USP29: variants seen among roughly 807,000 people sequenced by gnomAD.
USP29 encodes the protein ubiquitin carboxyl-terminal hydrolase 29.
For missense variants in USP29, 1,102 were observed against 1,069.0 expected (o/e 1.03, Z -0.43); for synonymous variants, 386 against 387.4 (o/e 1.00, Z 0.04).
At chr19:57,120,788 C>CAAAAAAAAAAAAAAAAAA (rs71293954) in intron 1 of USP29, among the ~76,000 whole-genome samples, 1 of 31,146 alleles carries the variant, frequency 3.2e-5, no homozygotes, top group African/African-American at 1.1e-4. Flanking sequence ...GACTCCGTCT[C>CAAAAAAAAAAAAAAAAAA]AAAAAAAAAA....
Position 57,131,751 on chromosome 19 carries a change from T to G in USP29, c.*307T>G. ...CTAGGGACTGATTAGAAATGCAAAT[T>G]CTTGGGTCACTCTCTAGACCAACTG... is the stretch of plus-strand genomic sequence containing the variant. On this transcript the variant is annotated 3_prime_UTR_variant, in exon 4 of 4. Transcript: ENST00000254181. 1 of 310,004 alleles carries G rather than the reference T, an allele frequency of 3.2e-6. No homozygotes were observed. The highest frequency in any genetic ancestry group is 6.2e-6 in the Non-Finnish European group (1 of 160,756). The allele number at this position is 310,004 out of a possible 1,614,324, so 19.2% of individuals were successfully genotyped here.
Position 57,131,348 on chromosome 19 carries a change from G to T in USP29, c.2673G>T (p.Leu891=), listed in dbSNP as rs1318903512. ...TGCACAATGGGATTTTTGAGGAGCT[G>T]TTAAGAAAAGCAGAGAACTCTCGGC... ...FYMHNGIFEE[L]LRKAENSRLP... The change falls in exon 4 of 4, where the codon CTG becomes CTT. Residue 891 remains leucine, a synonymous_variant. Transcript: ENST00000254181. 1 of 1,614,056 alleles carries T rather than the reference G, an allele frequency of 6.2e-7. No homozygotes were observed. Among genetic ancestry groups the T allele is most frequent in the Admixed American group, 1.7e-5 (1 of 60,000 alleles).
At chr19:57,124,962 G>A (rs888781445) in intron 3 of USP29, among the ~76,000 whole-genome samples, 1 of 152,194 alleles carries the variant, frequency 6.6e-6, no homozygotes, top group African/African-American at 2.4e-5. Flanking sequence ...TTCTCCATAT[G>A]AGGTAGTTTA....
intron 3 of USP29, among the ~76,000 whole-genome samples, chr19:57,125,698 G>A (rs1039746753): frequency 6.6e-6 from 1 of 150,996 alleles, no homozygotes; most frequent in Non-Finnish European, 1.5e-5. Flanking sequence ...GCACATCAAT[G>A]GGTCTTGACT....
chr19:57,127,271 C>G (rs1259903498), intron 3 of USP29, among the ~76,000 whole-genome samples: 1 of 152,182 alleles, frequency 6.6e-6, no homozygotes, highest in African/African-American at 2.4e-5. Context: ...GCAGCCTGTC[C>G]CTTAGCAGAG....
upstream of USP29, among the ~76,000 whole-genome samples, chr19:57,119,723 G>A (rs2086783531): frequency 6.6e-6 from 1 of 151,830 alleles, no homozygotes; most frequent in African/African-American, 2.4e-5. Flanking sequence ...GCGCCCGGCC[G>A]GGATGACTGT....
chr19:57,121,467 A>G lies in USP29; in HGVS notation c.-267-858A>G, dbSNP rs562451981. The stretch of plus-strand genomic sequence containing the variant: ...TTATATATGTTATATATACTTATAC[A>G]TGTTATACATACTTATATGTTATAT... On this transcript the variant is annotated intron_variant, in intron 1 of 3. Transcript: ENST00000254181. 2.2e-3 allele frequency among the ~76,000 whole-genome samples: 318 copies of G among 144,906 alleles called. 8 individuals are homozygous for G. The highest frequency in any genetic ancestry group is 7.8e-3 in the African/African-American group (310 of 39,914).
chr19:57,130,588 G>C lies in USP29; in HGVS notation c.1913G>C (p.Arg638Thr), dbSNP rs764776153. The C allele has an allele frequency of 1.3e-5, 21 of 1,614,040 alleles. No homozygotes were observed. In the South Asian group the frequency reaches 2.0e-4, roughly 15 times the overall value. Reference protein sequence around the residue: ...LESELVHFRDRAIGEKELPVA... With the variant: ...LESELVHFRDTAIGEKELPVA... Reference sequence around the variant, plus strand: ...TCAGAATTGGTCCACTTTAGAGATAGGGCAATCGGTGAAAAGGAGCTTCCA... The same window carrying C: ...TCAGAATTGGTCCACTTTAGAGATACGGCAATCGGTGAAAAGGAGCTTCCA... Residue 638 changes from arginine to threonine, a missense_variant, in exon 4 of 4, where the codon AGG (arginine) becomes ACG (threonine). Physicochemically the swap from Arg to Thr is moderately conservative, Grantham distance 71. Coordinates refer to ENST00000254181, the MANE Select transcript of USP29 (RefSeq NM_020903.3).
chr19:57,121,379 T>C (rs2086795164), intron 1 of USP29, among the ~76,000 whole-genome samples: 1 of 145,304 alleles, frequency 6.9e-6, no homozygotes, highest in Non-Finnish European at 1.5e-5. Context: ...TATACTTATA[T>C]ATGTTATATA....
At chr19:57,125,036 C>G (rs1420103743) in intron 3 of USP29, among the ~76,000 whole-genome samples, 1 of 152,128 alleles carries the variant, frequency 6.6e-6, no homozygotes, top group Non-Finnish European at 1.5e-5. Flanking sequence ...TGTTTTAGCC[C>G]AATGACTTAT....
chr19:57,127,866 G>A (rs899000924), intron 3 of USP29, among the ~76,000 whole-genome samples: 10 of 152,234 alleles, frequency 6.6e-5, no homozygotes, highest in Middle Eastern at 3.4e-3. Flanking sequence ...GTGTCTCCCC[G>A]AACAGCTGGC....
Position 57,130,940 on chromosome 19 carries a change from T to G in USP29, c.2265T>G (p.Val755=), listed in dbSNP as rs759611006. The G allele has an allele frequency of 2.5e-6, 4 of 1,614,084 alleles. No homozygotes were observed. In the East Asian group the frequency reaches 8.9e-5, roughly 36 times the overall value. The change falls in exon 4 of 4, where the codon GTT becomes GTG. Residue 755 remains valine (V), a synonymous_variant. Coordinates refer to ENST00000254181, the MANE Select transcript of USP29 (RefSeq NM_020903.3). Reference sequence around the variant, plus strand: ...TTCAGCAGGCACCACCTCCAGGTGTTAGGAAGCTGGATGCCCAGGAACATA... The same window carrying G: ...TTCAGCAGGCACCACCTCCAGGTGTGAGGAAGCTGGATGCCCAGGAACATA... ...EFLQQAPPPG[V]RKLDAQEHTE...
chr19:57,121,739 A>C (rs568061773), intron 1 of USP29, among the ~76,000 whole-genome samples: 57 of 147,816 alleles, frequency 3.9e-4, no homozygotes, highest in African/African-American at 1.4e-3. Context: ...ATAATTATAT[A>C]TATATAAAAC....
At position 57,130,539 on chromosome 19, in the gene USP29, C is replaced by G. The variant is rs1326125320; in HGVS notation, c.1864C>G (p.Leu622Val). 1 of 1,614,140 alleles carries G rather than the reference C, an allele frequency of 6.2e-7. No individual in the cohort carries two copies. The highest frequency in any genetic ancestry group is 1.1e-5 in the South Asian group (1 of 91,074). Residue 622 changes from leucine to valine, a missense_variant, in exon 4 of 4, where the codon CTG (leucine) becomes GTG (valine). Leu to Val is a conservative substitution (Grantham distance 32). Coordinates refer to ENST00000254181, the MANE Select transcript of USP29 (RefSeq NM_020903.3). The stretch of plus-strand genomic sequence containing the variant: ...AAGCCAAGAGCAGCATCAGAGAGAC[C>G]TGGAAAATGGCTCTGCACTAGAGTC... ...DASQEQHQRD[L>V]ENGSALESEL... is the part of the protein sequence containing the mutation.
chr19:57,120,253 TCTA>T, intron 1 of USP29, 24 bp downstream of exon 1: 1 of 90,800 alleles, frequency 1.1e-5, no homozygotes, highest in South Asian at 4.0e-4. Context: ...CCCACCCATC[TCTA>T]CAAAAAATTT....
chr19:57,128,605 A>C, intron 3 of USP29, 55 bp from the exon 4 acceptor site: 2 of 1,466,110 alleles, frequency 1.4e-6, no homozygotes, highest in Non-Finnish European at 1.8e-6. Context: ...TTTTTCATAA[A>C]ATATAACTGT....
chr19:57,130,494 C>G lies in USP29; in HGVS notation c.1819C>G (p.Gln607Glu). ...PDKNADLQRF[Q>E]RDCGDASQEQ... The stretch of plus-strand genomic sequence containing the variant: ...CAAGAATGCCGACCTACAAAGATTC[C>G]AGAGAGACTGTGGAGATGCAAGCCA... The change falls in exon 4 of 4, where the codon CAG becomes GAG. Residue 607 changes from glutamine to glutamate, a missense_variant. Transcript: ENST00000254181. 1 of 1,614,142 alleles carries G rather than the reference C, an allele frequency of 6.2e-7. No homozygotes were observed. The highest frequency in any genetic ancestry group is 8.5e-7 in the Non-Finnish European group (1 of 1,180,028).
chr19:57,124,664 A>G (rs779597227), intron 3 of USP29, among the ~76,000 whole-genome samples: 1 of 151,724 alleles, frequency 6.6e-6, no homozygotes, highest in Non-Finnish European at 1.5e-5. Context: ...GCCTGCCACC[A>G]TGCCCGGCTA....
chr19:57,127,439 C>T (rs941391927), intron 3 of USP29, among the ~76,000 whole-genome samples: 1 of 152,144 alleles, frequency 6.6e-6, no homozygotes, highest in African/African-American at 2.4e-5. Context: ...ATCTGTAAGC[C>T]CCTGACTGGG....
Sources: gnomAD v4.1 joint callset for allele counts (sites outside exome capture counted in the v4.1 genomes callset) on GRCh38, gnomAD v4.1.1 for gene constraint, MANE v1.5 for transcripts, NCBI Gene and HGNC (gene_info 2026-07-23, HGNC 2026-07-21) for gene names.